PDGFB: variants seen among roughly 807,000 people sequenced by gnomAD.
PDGFB encodes the protein platelet derived growth factor subunit B.
Under a neutral mutation model 29.0 loss-of-function variants are expected in PDGFB, and 6 were observed. The ratio of observed to expected loss-of-function variants is 0.21; its 90% CI spans 0.11 to 0.41. The LOEUF is 0.41. PDGFB is among the 10% of genes least tolerant of loss of function. The pLI, the probability that PDGFB is intolerant of heterozygous loss-of-function variation, is 1.00. For synonymous variants in PDGFB, 144 were observed against 140.8 expected (o/e 1.02, Z -0.16); for missense variants, 299 against 341.8 (o/e 0.87, Z 0.99).
At chr22:39,240,844 G>A (rs924569571) in intron 1 of PDGFB, 1 of 1,613,774 alleles carries the variant, frequency 6.2e-7, no homozygotes, top group Non-Finnish European at 8.5e-7. Flanking sequence ...AAGACGTGGA[G>A]AGGTACTTAC....
At chr22:39,233,602 G>A (rs1007756149) in intron 2 of PDGFB, 78 bp from the exon 3 acceptor site, 11 of 1,027,074 alleles carry the variant, frequency 1.1e-5, no homozygotes, top group Admixed American at 2.5e-5. Flanking sequence ...GTCTGGGCAG[G>A]CGGGAGGTTT....
Position 39,231,742 on chromosome 22 carries a change from G to A in PDGFB, c.336C>T (p.Asp112=), listed in dbSNP as rs890235787. 1 of 1,612,940 alleles carries A rather than the reference G, an allele frequency of 6.2e-7. No homozygotes were observed. The highest frequency in any genetic ancestry group is 8.5e-7 in the Non-Finnish European group (1 of 1,179,646). ...ACACCAGGAAGTTGGCGTTGGTGCG[G>A]TCTATGAGGCGCCGGGAGATCTCGA... ...EVFEISRRLI[D]RTNANFLVWP... Residue 112 remains aspartate (D), a synonymous_variant, in exon 4 of 7, where the codon GAC becomes GAT. Transcript: ENST00000331163. This position sits in a 1 kb window ranked among gnomAD's most constrained non-coding sequence, Gnocchi z 4.3.
rs1569140457 is a variant in PDGFB at position 39,242,403 on chromosome 22, C to A, written c.63+1498G>T. On this transcript the variant is annotated intron_variant, in intron 1 of 6. Coordinates refer to ENST00000331163, the MANE Select transcript of PDGFB (RefSeq NM_002608.4). The surrounding 1 kb of genome is among the most constrained non-coding windows in gnomAD (Gnocchi z 5.7). ...CACCGGGCCCAGCCCCCAGGTCCCA[C>A]GGCGAGGCGAGGCGGCAGCTGGGGC... 2 of 203,746 alleles carry A rather than the reference C, an allele frequency of 9.8e-6. No individual in the cohort carries two copies. Among genetic ancestry groups the A allele is most frequent in the Non-Finnish European group, 1.0e-5 (1 of 99,660 alleles). The allele number at this position is 203,746 out of a possible 1,614,324, so 12.6% of individuals were successfully genotyped here.
intron 1 of PDGFB, among the ~76,000 whole-genome samples, chr22:39,236,345 G>A (rs1329339910): frequency 6.6e-6 from 1 of 152,246 alleles, no homozygotes; most frequent in Non-Finnish European, 1.5e-5. Context: ...ATGCCTTTGG[G>A]ATGACAGAGC....
In PDGFB at chr22:39,235,954, T is replaced by C. The variant is rs1932433671; in HGVS notation, c.64-80A>G. 3.2e-6 allele frequency: 3 copies of C among 931,698 alleles called. No individual in the cohort carries two copies. In the Admixed American group the frequency reaches 5.9e-5, roughly 18 times the overall value. The allele number at this position is 931,698 out of a possible 1,614,324, so 57.7% of individuals were successfully genotyped here. On this transcript the variant is annotated intron_variant, in intron 1 of 6. Coordinates refer to ENST00000331163, the MANE Select transcript of PDGFB (RefSeq NM_002608.4). ...TGGCTGTCTCCCCCACCACACGCTT[T>C]CTCGCTTTCTCCTGTGGAAAGCTCC...
In PDGFB at chr22:39,234,398, G is replaced by A. The variant is rs1183353432; in HGVS notation, c.161-874C>T. Reference sequence around the variant, plus strand: ...GCCTCTGAGCTGGATGTTAAGGCGTGGACAGACCCTTCTGTCTCTCTCATG... The same window carrying A: ...GCCTCTGAGCTGGATGTTAAGGCGTAGACAGACCCTTCTGTCTCTCTCATG... On this transcript the variant is annotated intron_variant, in intron 2 of 6. Transcript: ENST00000331163. 2.6e-5 allele frequency among the ~76,000 whole-genome samples: 4 copies of A among 152,292 alleles called. No homozygotes were observed. In the South Asian group the frequency reaches 8.3e-4, roughly 32 times the overall value.
In PDGFB at chr22:39,228,893, A is replaced by AAT. The variant is rs1555921948; in HGVS notation, c.601+1189_601+1190dup. ...GACAGGGTGAGACTGCCTCAAAAAA[A>AAT]ATATATATATATATAGATATATATA... On this transcript the variant is annotated intron_variant, in intron 5 of 6. Coordinates refer to ENST00000331163, the MANE Select transcript of PDGFB (RefSeq NM_002608.4). Among the ~76,000 whole-genome samples, 16 of 132,518 alleles carry AAT rather than the reference A, an allele frequency of 1.2e-4. No homozygotes were observed. The South Asian group carries it at 1.2e-3, about 10-fold the overall frequency. The allele number at this position is 132,518 out of a possible 152,430, so 86.9% of individuals were successfully genotyped here.
intron 5 of PDGFB, among the ~76,000 whole-genome samples, chr22:39,226,760 A>T (rs908975289): frequency 2.0e-5 from 3 of 151,772 alleles, no homozygotes; most frequent in African/African-American, 7.3e-5. Flanking sequence ...CCAGAATCAT[A>T]CTCCCACCAT....
At chr22:39,237,048 C>T (rs1045188786) in intron 1 of PDGFB, among the ~76,000 whole-genome samples, 4 of 152,066 alleles carry the variant, frequency 2.6e-5, no homozygotes, top group South Asian at 4.1e-4. Flanking sequence ...AGCCGAAGGT[C>T]GGGGGGCTCA....
intron 1 of PDGFB, among the ~76,000 whole-genome samples, chr22:39,241,814 A>C (rs970257218): frequency 6.6e-6 from 1 of 152,220 alleles, no homozygotes; most frequent in Non-Finnish European, 1.5e-5. Flanking sequence ...AGTGCCCCTC[A>C]GAGTCACATC....
chr22:39,239,457 T>G (rs747923437), intron 1 of PDGFB, among the ~76,000 whole-genome samples: 63 of 152,208 alleles, frequency 4.1e-4, no homozygotes, highest in Non-Finnish European at 7.4e-4. Context: ...GATGCAATGC[T>G]CTGGGGATGA....
intron 5 of PDGFB, among the ~76,000 whole-genome samples, chr22:39,229,378 C>T (rs1456542774): frequency 6.6e-6 from 1 of 152,014 alleles, no homozygotes; most frequent in Non-Finnish European, 1.5e-5. Context: ...GTAGAGATGC[C>T]TCACAATGCT....
rs746918899 is a variant in PDGFB, at chr22:39,231,840, G to A, written c.251-13C>T. ...ATGGTCAGGGAACCTGGGAGGAGACGAAACCTGGGTCAGGAGCGTAGGCCT... is the reference window on the plus strand; with the variant it reads ...ATGGTCAGGGAACCTGGGAGGAGACAAAACCTGGGTCAGGAGCGTAGGCCT... On this transcript the variant is annotated splice_polypyrimidine_tract_variant and intron_variant, in intron 3 of 6. Transcript: ENST00000331163. The surrounding 1 kb of genome is among the most constrained non-coding windows in gnomAD (Gnocchi z 4.3). 6.1e-5 allele frequency: 98 copies of A among 1,609,570 alleles called. 1 individual carries two copies. Among genetic ancestry groups the A allele is most frequent in the African/African-American group, 9.3e-5 (7 of 74,900 alleles).
chr22:39,237,277 G>A (rs917258936), intron 1 of PDGFB, among the ~76,000 whole-genome samples: 1 of 135,620 alleles, frequency 7.4e-6, no homozygotes, highest in African/African-American at 2.7e-5. Flanking sequence ...CATCGATCCA[G>A]GAGCCAGAAG....
At chr22:39,228,781 C>T (rs778508886) in intron 5 of PDGFB, among the ~76,000 whole-genome samples, 2 of 151,394 alleles carry the variant, frequency 1.3e-5, no homozygotes, top group East Asian at 1.9e-4. Flanking sequence ...TCCAGCTACT[C>T]GGGAGGCTAA....
intron 1 of PDGFB, among the ~76,000 whole-genome samples, chr22:39,240,282 CA>C (rs1181474483): frequency 6.6e-6 from 1 of 152,104 alleles, no homozygotes; most frequent in African/African-American, 2.4e-5. Flanking sequence ...CCATCCCAGC[CA>C]GGGGACGGGG....
Position 39,231,887 on chromosome 22 carries a change from C to T in PDGFB, c.251-60G>A. ...GCCTGTCCAGAGTCCCCCCACTTGG[C>T]AGGGGAGCTCAGCGGGTGCCTCCGG... On this transcript the variant is annotated intron_variant, in intron 3 of 6. Transcript: ENST00000331163. The surrounding 1 kb of genome is among the most constrained non-coding windows in gnomAD (Gnocchi z 4.3). 1 of 1,451,396 alleles carries T rather than the reference C, an allele frequency of 6.9e-7. No homozygotes were observed. The highest frequency in any genetic ancestry group is 9.4e-7 in the Non-Finnish European group (1 of 1,059,816). 89.9% of individuals were successfully genotyped at this position (1,451,396 alleles called of 1,614,324 possible). A position where few individuals can be genotyped will look rare whatever the true frequency, so the allele number is the denominator to read the frequency against.
intron 1 of PDGFB, among the ~76,000 whole-genome samples, chr22:39,240,397 G>A (rs941436445): frequency 6.6e-6 from 1 of 151,900 alleles, no homozygotes; most frequent in Non-Finnish European, 1.5e-5. Context: ...AAGATACACA[G>A]AACCTTTGCA....
chr22:39,238,947 G>A (rs892835686), intron 1 of PDGFB, among the ~76,000 whole-genome samples: 3 of 152,264 alleles, frequency 2.0e-5, no homozygotes, highest in Admixed American at 2.0e-4. Context: ...CCAAACATCA[G>A]GAGTGCAGAG....
Sources: allele counts gnomAD v4.1 joint callset (sites outside exome capture counted in the v4.1 genomes callset), GRCh38; gene constraint gnomAD v4.1.1; non-coding constraint Gnocchi (gnomAD v3.1); transcripts MANE v1.5; gene names NCBI Gene and HGNC (gene_info 2026-07-23, HGNC 2026-07-21).